NAALADL2: variants seen among roughly 807,000 people sequenced by gnomAD.
NAALADL2 encodes N-acetylated alpha-linked acidic dipeptidase like 2, also known as inactive N-acetylated-alpha-linked acidic dipeptidase-like protein 2.
Under a neutral mutation model 87.2 loss-of-function variants are expected in NAALADL2, and 76 were observed. The observed-to-expected ratio is 0.87, with a 90% CI of 0.72 to 1.05. The LOEUF (loss-of-function observed/expected upper bound fraction) is 1.05, where lower values mean the gene tolerates loss of function less well. Ranked by LOEUF, NAALADL2 falls within the 50% of genes least tolerant of loss-of-function variation. The pLI is 0.00. For synonymous variants in NAALADL2, 354 were observed against 331.0 expected (o/e 1.07, Z -0.75); for missense variants, 1,089 against 945.8 (o/e 1.15, Z -1.99).
intron 2 of NAALADL2, among the ~76,000 whole-genome samples, chr3:174,718,359 TA>T (rs1336393903): frequency 1.3e-5 from 2 of 152,116 alleles, no homozygotes; most frequent in Non-Finnish European, 1.5e-5. Context: ...TTACAAAAGC[TA>T]AAATAGGAGG....
At chr3:174,475,328 C>T (rs1328378067) in intron 1 of NAALADL2, among the ~76,000 whole-genome samples, 1 of 151,648 alleles carries the variant, frequency 6.6e-6, no homozygotes, top group Non-Finnish European at 1.5e-5. Flanking sequence ...TTGTAGAAAA[C>T]AAAATGGACA....
chr3:175,399,881 T>C (rs1184875135), intron 5 of NAALADL2, among the ~76,000 whole-genome samples: 1 of 152,144 alleles, frequency 6.6e-6, no homozygotes, highest in African/African-American at 2.4e-5. Context: ...CCTTTTGGTG[T>C]ATCTGTTCAT....
chr3:175,217,697 C>A (rs1226849598), intron 2 of NAALADL2, among the ~76,000 whole-genome samples: 2 of 152,172 alleles, frequency 1.3e-5, no homozygotes, highest in African/African-American at 2.4e-5. Flanking sequence ...CTAGTTTTAA[C>A]CACATACCAA....
At chr3:174,942,143 T>C (rs1386365799) in intron 1 of NAALADL2, among the ~76,000 whole-genome samples, 1 of 152,138 alleles carries the variant, frequency 6.6e-6, no homozygotes, top group East Asian at 1.9e-4. Context: ...TGATAGTAGT[T>C]TTCCTTTCTA....
intron 13 of NAALADL2, among the ~76,000 whole-genome samples, chr3:175,765,755 A>G (rs1369598926): frequency 2.0e-5 from 3 of 152,104 alleles, no homozygotes; most frequent in Non-Finnish European, 4.4e-5. Flanking sequence ...CAATAACAAC[A>G]ATACTTTCCA....
At chr3:174,572,712 A>G (rs941697540) in intron 2 of NAALADL2, among the ~76,000 whole-genome samples, 1 of 152,214 alleles carries the variant, frequency 6.6e-6, no homozygotes, top group Non-Finnish European at 1.5e-5. Flanking sequence ...ATAGCACAAC[A>G]ACCAATTAGA....
chr3:174,509,384 T>C (rs191400252), intron 1 of NAALADL2, among the ~76,000 whole-genome samples: 1 of 147,972 alleles, frequency 6.8e-6, no homozygotes, highest in East Asian at 2.0e-4. Context: ...GAGCGAGCTC[T>C]GGTGTCTCTT....
rs551573937 is a variant in NAALADL2 at position 175,488,857 on chromosome 3, T to C, written c.1653+17099T>C. On this transcript the variant is annotated intron_variant, in intron 9 of 13. Transcript: ENST00000454872. ...GGCTGGAAGATTTAGTCATGTAGAA[T>C]AACACTATCACTGGTTATAAGCCAG... is the stretch of plus-strand genomic sequence containing the variant. 3.0e-4 allele frequency among the ~76,000 whole-genome samples: 45 copies of C among 152,346 alleles called. 1 individual carries two copies. Among genetic ancestry groups the C allele is most frequent in the Middle Eastern group, 3.4e-3 (1 of 294 alleles).
intron 2 of NAALADL2, among the ~76,000 whole-genome samples, chr3:174,583,762 G>A (rs900061884): frequency 3.3e-5 from 5 of 152,202 alleles, no homozygotes; most frequent in Middle Eastern, 6.8e-3. Context: ...TTATTTGAAT[G>A]TTTGGAATTT....
At chr3:175,193,367 A>G (rs1278463980) in intron 2 of NAALADL2, among the ~76,000 whole-genome samples, 2 of 151,918 alleles carry the variant, frequency 1.3e-5, no homozygotes, top group African/African-American at 4.8e-5. Flanking sequence ...GGAGAACACA[A>G]CTATTCCTCT....
At position 175,695,530 on chromosome 3, in the gene NAALADL2, A is replaced by C. The variant is rs1737659511; in HGVS notation, c.1897-41776A>C. On this transcript the variant is annotated intron_variant, in intron 11 of 13. Coordinates refer to ENST00000454872, the MANE Select transcript of NAALADL2 (RefSeq NM_207015.3). ...GAAAAATGTACTGCATTCTTTGCCT[A>C]GTGAAATATGCTGAGCTTTTGTAGG... 2.0e-5 allele frequency among the ~76,000 whole-genome samples: 3 copies of C among 152,164 alleles called. No homozygotes were observed. The South Asian group carries it at 6.2e-4, about 32-fold the overall frequency.
intron 2 of NAALADL2, among the ~76,000 whole-genome samples, chr3:175,149,344 A>C (rs929908046): frequency 2.6e-5 from 4 of 152,180 alleles, no homozygotes; most frequent in Admixed American, 6.6e-5. Flanking sequence ...TCAATTCATT[A>C]TTTCATAAAC....
intron 1 of NAALADL2, among the ~76,000 whole-genome samples, chr3:174,463,608 T>TG (rs973323531): frequency 6.7e-6 from 1 of 149,182 alleles, no homozygotes; most frequent in Non-Finnish European, 1.5e-5. Context: ...TCTTTTTTTT[T>TG]TTTTTTTTTT....
intron 5 of NAALADL2, among the ~76,000 whole-genome samples, chr3:175,441,947 T>A (rs752576071): frequency 6.6e-6 from 1 of 152,098 alleles, no homozygotes; most frequent in Non-Finnish European, 1.5e-5. Context: ...TTTATTTTTA[T>A]TTTTATTTTT....
At chr3:174,853,468 G>A (rs968335409) in intron 3 of NAALADL2, among the ~76,000 whole-genome samples, 1 of 151,512 alleles carries the variant, frequency 6.6e-6, no homozygotes, top group African/African-American at 2.4e-5. Flanking sequence ...TAGGAAATGG[G>A]CCTGGGCAAA....
intron 11 of NAALADL2, among the ~76,000 whole-genome samples, chr3:175,654,833 C>G (rs994776754): frequency 5.3e-5 from 8 of 152,132 alleles, no homozygotes; most frequent in Non-Finnish European, 1.0e-4. Flanking sequence ...CACTTTCATC[C>G]TAGCATTACC....
chr3:174,930,776 C>T (rs1736773736), intron 1 of NAALADL2, among the ~76,000 whole-genome samples: 2 of 151,722 alleles, frequency 1.3e-5, no homozygotes, highest in South Asian at 4.2e-4. Context: ...CACCCGCCAC[C>T]ATTCCTGGCT....
chr3:174,913,413 T>A (rs915645798), intron 1 of NAALADL2, among the ~76,000 whole-genome samples: 1 of 152,112 alleles, frequency 6.6e-6, no homozygotes, highest in Non-Finnish European at 1.5e-5. Context: ...AAAAACCGTG[T>A]TTACTGTTAA....
chr3:175,007,147 G>T (rs1243338349), intron 1 of NAALADL2, among the ~76,000 whole-genome samples: 1 of 97,892 alleles, frequency 1.0e-5, no homozygotes. Context: ...TTCTTTTATA[G>T]GATAAAAAAA....
Sources: gnomAD v4.1 joint callset for allele counts (sites outside exome capture counted in the v4.1 genomes callset) on GRCh38, gnomAD v4.1.1 for gene constraint, MANE v1.5 for transcripts, NCBI Gene and HGNC (gene_info 2026-07-23, HGNC 2026-07-21) for gene names.